MACROD2: variants seen among roughly 807,000 people sequenced by gnomAD.
MACROD2 encodes mono-ADP ribosylhydrolase 2, also known as ADP-ribose glycohydrolase MACROD2.
MACROD2 carries 36 observed loss-of-function variants against 70.4 expected under a neutral mutation model. The ratio of observed to expected loss-of-function variants is 0.51; its 90% CI spans 0.39 to 0.68. MACROD2 has a LOEUF of 0.68. Among genes scored for constraint, MACROD2 ranks in the 30% least tolerant of loss-of-function variants. The probability of loss-of-function intolerance (pLI) is 0.00; values close to 1 mark genes in which losing one functional copy is unlikely to be tolerated. For synonymous variants in MACROD2, 172 were observed against 178.8 expected (o/e 0.96, Z 0.30); for missense variants, 496 against 538.4 (o/e 0.92, Z 0.78).
intron 7 of MACROD2, among the ~76,000 whole-genome samples, chr20:15,434,803 T>A (rs925180285): frequency 3.9e-5 from 6 of 152,008 alleles, no homozygotes; most frequent in African/African-American, 1.5e-4. Context: ...ATAAAGAAAA[T>A]GTGGTATGTA....
At chr20:15,161,823 A>G (rs2076350316) in intron 5 of MACROD2, among the ~76,000 whole-genome samples, 1 of 152,060 alleles carries the variant, frequency 6.6e-6, no homozygotes, top group Admixed American at 6.6e-5. Flanking sequence ...TAAACAAAGC[A>G]TAGAATTAAT....
At chr20:14,960,159 A>T (rs1352339809) in intron 5 of MACROD2, among the ~76,000 whole-genome samples, 1 of 152,126 alleles carries the variant, frequency 6.6e-6, no homozygotes, top group Non-Finnish European at 1.5e-5. Flanking sequence ...TTTACACATC[A>T]ATCTGTCTAA....
At chr20:14,647,408 C>T in intron 4 of MACROD2, among the ~76,000 whole-genome samples, 1 of 152,068 alleles carries the variant, frequency 6.6e-6, no homozygotes, top group Non-Finnish European at 1.5e-5. Context: ...TTCTCATTAA[C>T]CTTGGGGGTG....
At chr20:14,015,726 A>G (rs1270199340) in intron 2 of MACROD2, among the ~76,000 whole-genome samples, 2 of 152,186 alleles carry the variant, frequency 1.3e-5, no homozygotes, top group African/African-American at 4.8e-5. Flanking sequence ...TGGAATCATA[A>G]CATGTTTATC....
At chr20:14,950,117 T>C (rs2074463577) in intron 5 of MACROD2, among the ~76,000 whole-genome samples, 1 of 152,132 alleles carries the variant, frequency 6.6e-6, no homozygotes, top group Non-Finnish European at 1.5e-5. Context: ...GTGTTTTAAC[T>C]TCTGAAAAAT....
At chr20:15,134,976 A>C (rs1225088120) in intron 5 of MACROD2, among the ~76,000 whole-genome samples, 4 of 152,162 alleles carry the variant, frequency 2.6e-5, no homozygotes, top group Admixed American at 6.5e-5. Context: ...GAAATGGATA[A>C]ATTCCTCGAC....
At chr20:15,288,549 T>C (rs996839063) in intron 6 of MACROD2, among the ~76,000 whole-genome samples, 1 of 152,188 alleles carries the variant, frequency 6.6e-6, no homozygotes, top group Non-Finnish European at 1.5e-5. Context: ...AGTTACCATC[T>C]AATTGGTCGA....
At chr20:14,192,301 A>G (rs1350267786) in intron 3 of MACROD2, among the ~76,000 whole-genome samples, 1 of 152,086 alleles carries the variant, frequency 6.6e-6, no homozygotes, top group Non-Finnish European at 1.5e-5. Context: ...CTGTCTTTAT[A>G]AATGGATCCT....
At chr20:14,176,377 A>G (rs2081263126) in intron 3 of MACROD2, among the ~76,000 whole-genome samples, 1 of 152,228 alleles carries the variant, frequency 6.6e-6, no homozygotes, top group Non-Finnish European at 1.5e-5. Flanking sequence ...GTGTTTGTGC[A>G]GTTAAGGTGG....
At chr20:14,655,265 A>T (rs1321466499) in intron 4 of MACROD2, among the ~76,000 whole-genome samples, 1 of 151,640 alleles carries the variant, frequency 6.6e-6, no homozygotes, top group Non-Finnish European at 1.5e-5. Context: ...CAGTGTGATA[A>T]ATGCACTAAT....
intron 12 of MACROD2, among the ~76,000 whole-genome samples, chr20:15,948,382 C>CAAAAAAA (rs71192307): frequency 4.3e-3 from 185 of 42,990 alleles, no homozygotes; most frequent in Non-Finnish European, 5.9e-3. Flanking sequence ...CTTGCAACTG[C>CAAAAAAA]AAAAAAAAAA....
intron 8 of MACROD2, among the ~76,000 whole-genome samples, chr20:15,702,330 A>G (rs2050472058): frequency 6.6e-6 from 1 of 151,998 alleles, no homozygotes; most frequent in Non-Finnish European, 1.5e-5. Flanking sequence ...AGCACTTGTT[A>G]TTTTTTTAAG....
chr20:15,273,665 T>A (rs931009634), intron 6 of MACROD2, among the ~76,000 whole-genome samples: 1 of 152,120 alleles, frequency 6.6e-6, no homozygotes, highest in African/African-American at 2.4e-5. Context: ...GTAGCTAAGG[T>A]GACTGAATTC....
chr20:15,145,944 G>T (rs1193511397), intron 5 of MACROD2, among the ~76,000 whole-genome samples: 2 of 151,788 alleles, frequency 1.3e-5, no homozygotes, highest in African/African-American at 4.8e-5. Flanking sequence ...ATGCTTTCAG[G>T]CATAAACATA....
chr20:14,539,368 C>G (rs1600359110), intron 4 of MACROD2, among the ~76,000 whole-genome samples: 1 of 152,330 alleles, frequency 6.6e-6, no homozygotes, highest in East Asian at 1.9e-4. Flanking sequence ...ATACCTTCTT[C>G]TGGCCATCCT....
At chr20:15,761,541 A>G (rs1439030575) in intron 8 of MACROD2, among the ~76,000 whole-genome samples, 1 of 152,210 alleles carries the variant, frequency 6.6e-6, no homozygotes, top group Non-Finnish European at 1.5e-5. Flanking sequence ...ATTAAAGCCT[A>G]TTTTAACCAT....
chr20:15,031,290 A>G (rs1175309825), intron 5 of MACROD2, among the ~76,000 whole-genome samples: 1 of 152,160 alleles, frequency 6.6e-6, no homozygotes, highest in African/African-American at 2.4e-5. Flanking sequence ...GAGCTCCCCA[A>G]AGGGCTGCAG....
intron 4 of MACROD2, among the ~76,000 whole-genome samples, chr20:14,601,014 G>T (rs892558385): frequency 6.6e-6 from 1 of 152,204 alleles, no homozygotes; most frequent in South Asian, 2.1e-4. Flanking sequence ...ATGAGACCTT[G>T]GGGAAGTGTC....
At chr20:14,415,406 G>C (rs1411230138) in intron 3 of MACROD2, among the ~76,000 whole-genome samples, 1 of 151,120 alleles carries the variant, frequency 6.6e-6, no homozygotes, top group Non-Finnish European at 1.5e-5. Context: ...TATTTAAAAG[G>C]TAACCACGGC....
Sources: gnomAD v4.1 joint callset for allele counts (sites outside exome capture counted in the v4.1 genomes callset) on GRCh38, gnomAD v4.1.1 for gene constraint, MANE v1.5 for transcripts, NCBI Gene and HGNC (gene_info 2026-07-23, HGNC 2026-07-21) for gene names.